The following CSMD3 variants were observed in gnomAD, a reference collection of about 807,000 sequenced individuals.
CSMD3 encodes the protein CUB and sushi domain-containing protein 3.
In CSMD3, 177 loss-of-function variants were observed where a neutral mutation model predicts 435.2. The observed-to-expected ratio is 0.41, with a 90% CI of 0.36 to 0.46. The LOEUF (loss-of-function observed/expected upper bound fraction) is 0.46, where lower values mean the gene tolerates loss of function less well. CSMD3 is among the 20% of genes least tolerant of loss of function. CSMD3 has a pLI of 0.34. For missense variants in CSMD3, 4,265 were observed against 4,504.6 expected (o/e 0.95, Z 1.52); for synonymous variants, 1,656 against 1,520.5 (o/e 1.09, Z -2.07).
At chr8:112,331,032 A>G (rs545498234) in intron 45 of CSMD3, among the ~76,000 whole-genome samples, 1 of 152,132 alleles carries the variant, frequency 6.6e-6, no homozygotes, top group East Asian at 1.9e-4. Context: ...AATGAAGATA[A>G]TAATACTTAC....
At chr8:112,980,081 T>C (rs1245256752) in intron 6 of CSMD3, among the ~76,000 whole-genome samples, 1 of 150,764 alleles carries the variant, frequency 6.6e-6, no homozygotes, top group Non-Finnish European at 1.5e-5. Flanking sequence ...TTATGTGTTT[T>C]CAAAAATTTT....
At chr8:113,230,996 C>A (rs1323850062) in intron 3 of CSMD3, among the ~76,000 whole-genome samples, 1 of 151,162 alleles carries the variant, frequency 6.6e-6, no homozygotes, top group Non-Finnish European at 1.5e-5. Flanking sequence ...CATGTATCTC[C>A]TTTGTTCTAT....
chr8:112,950,584 A>T (rs1033560034), intron 8 of CSMD3, among the ~76,000 whole-genome samples: 2 of 151,986 alleles, frequency 1.3e-5, no homozygotes, highest in Admixed American at 1.3e-4. Flanking sequence ...ATAGGTCCAG[A>T]ACTATTCTAC....
intron 1 of CSMD3, among the ~76,000 whole-genome samples, chr8:113,341,204 A>G (rs2094116452): frequency 6.6e-6 from 1 of 152,164 alleles, no homozygotes; most frequent in Non-Finnish European, 1.5e-5. Flanking sequence ...TAAACATATA[A>G]GCATATGTAT....
chr8:113,270,590 G>C (rs1051971889), intron 3 of CSMD3, among the ~76,000 whole-genome samples: 4 of 152,048 alleles, frequency 2.6e-5, no homozygotes, highest in African/African-American at 4.8e-5. Context: ...GTCCAACAAT[G>C]ATAGACTGGA....
chr8:112,517,870 C>T (rs1297276872), intron 27 of CSMD3, among the ~76,000 whole-genome samples: 1 of 152,146 alleles, frequency 6.6e-6, no homozygotes, highest in East Asian at 1.9e-4. Context: ...TCTTACGAAA[C>T]TAACCATTCA....
intron 35 of CSMD3, among the ~76,000 whole-genome samples, chr8:112,396,679 C>T (rs532992379): frequency 6.6e-6 from 1 of 152,274 alleles, no homozygotes; most frequent in South Asian, 2.1e-4. Context: ...GTTTGCTGAA[C>T]ACCTGTTGTG....
intron 10 of CSMD3, among the ~76,000 whole-genome samples, chr8:112,911,469 C>A (rs1356364632): frequency 6.6e-6 from 1 of 151,700 alleles, no homozygotes; most frequent in Admixed American, 6.6e-5. Context: ...TCATCAGGCT[C>A]AACTTTTTAG....
chr8:113,278,586 A>AC lies in CSMD3; in HGVS notation c.514+5dup. 1 of 1,373,586 alleles carries AC rather than the reference A, an allele frequency of 7.3e-7. No individual in the cohort carries two copies. The highest frequency in any genetic ancestry group is 1.0e-6 in the Non-Finnish European group (1 of 961,150). 85.1% of individuals were successfully genotyped at this position (1,373,586 alleles called of 1,614,324 possible). Reference sequence around the variant, plus strand: ...CAGTGGTTTGTTTGCCACTACCATCACTTACCTTCGTAATATACCTTAAAT... The same window carrying AC: ...CAGTGGTTTGTTTGCCACTACCATCACCTTACCTTCGTAATATACCTTAAAT... On this transcript the variant is annotated splice_donor_region_variant and intron_variant, in intron 3 of 70. Coordinates refer to ENST00000297405, the MANE Select transcript of CSMD3 (RefSeq NM_198123.2).
At chr8:112,532,828 A>G (rs1257546355) in intron 27 of CSMD3, among the ~76,000 whole-genome samples, 1 of 152,170 alleles carries the variant, frequency 6.6e-6, no homozygotes, top group African/African-American at 2.4e-5. Flanking sequence ...GTGGTGTGTA[A>G]CACTTGTGTC....
chr8:112,466,691 A>T (rs1455756883), intron 32 of CSMD3, among the ~76,000 whole-genome samples: 1 of 152,182 alleles, frequency 6.6e-6, no homozygotes, highest in African/African-American at 2.4e-5. Flanking sequence ...AAATTCTCAG[A>T]TTACCATTTA....
chr8:113,319,255 C>T (rs553672282), intron 1 of CSMD3, among the ~76,000 whole-genome samples: 1 of 151,922 alleles, frequency 6.6e-6, no homozygotes, highest in Non-Finnish European at 1.5e-5. Context: ...ATCATACTTA[C>T]GGGAGTAAGG....
intron 35 of CSMD3, among the ~76,000 whole-genome samples, chr8:112,405,219 A>G (rs1185516113): frequency 6.3e-5 from 2 of 31,790 alleles, no homozygotes; most frequent in Non-Finnish European, 1.5e-4. Flanking sequence ...ACCCCCATAT[A>G]TATATATATA....
chr8:113,113,060 C>T (rs560471259), intron 4 of CSMD3, among the ~76,000 whole-genome samples: 4 of 152,236 alleles, frequency 2.6e-5, no homozygotes, highest in African/African-American at 7.2e-5. Flanking sequence ...ATTTTTTGGC[C>T]TTCTTGATAT....
chr8:112,959,519 T>C (rs564298701), intron 7 of CSMD3, among the ~76,000 whole-genome samples: 1 of 152,106 alleles, frequency 6.6e-6, no homozygotes, highest in East Asian at 1.9e-4. Flanking sequence ...ATCTTGTTTA[T>C]GTTTTTGTTT....
At chr8:113,341,170 T>TATGTACATGTATG (rs2094116205) in intron 1 of CSMD3, among the ~76,000 whole-genome samples, 2 of 152,140 alleles carry the variant, frequency 1.3e-5, no homozygotes, top group East Asian at 1.9e-4. Context: ...TATGCACATA[T>TATGTACATGTATG]ATGTACATGT....
chr8:112,910,355 C>T lies in CSMD3; in HGVS notation c.1633+11272G>A, dbSNP rs141321120. The stretch of plus-strand genomic sequence containing the variant: ...AGTTTCATCCAATTTCATCACAGAA[C>T]TGCTGGGTTTCTTCCTTCCTCAGAT... On this transcript the variant is annotated intron_variant, in intron 10 of 70. Coordinates refer to ENST00000297405, the MANE Select transcript of CSMD3 (RefSeq NM_198123.2). 2.5e-3 allele frequency among the ~76,000 whole-genome samples: 374 copies of T among 151,856 alleles called. 6 individuals are homozygous for T. Among genetic ancestry groups the T allele is most frequent in the African/African-American group, 8.6e-3 (355 of 41,474 alleles).
chr8:113,067,567 T>C, intron 5 of CSMD3, among the ~76,000 whole-genome samples: 1 of 152,136 alleles, frequency 6.6e-6, no homozygotes, highest in East Asian at 1.9e-4. Context: ...CTGCAATAAC[T>C]TTTGTACCAA....
chr8:113,399,106 TAC>T (rs56045224), intron 1 of CSMD3, among the ~76,000 whole-genome samples: 46 of 95,060 alleles, frequency 4.8e-4, no homozygotes, highest in South Asian at 1.2e-3. Context: ...TATATATATA[TAC>T]ACACACACAC....
Sources: allele counts gnomAD v4.1 joint callset (sites outside exome capture counted in the v4.1 genomes callset), GRCh38; gene constraint gnomAD v4.1.1; transcripts MANE v1.5; gene names NCBI Gene and HGNC (gene_info 2026-07-23, HGNC 2026-07-21).